Variants in LAMB4 observed in about 807,000 individuals in gnomAD.
The protein encoded by LAMB4 is laminin subunit beta 4, also known as laminin subunit beta-4.
LAMB4 carries 196 observed loss-of-function variants against 199.2 expected under a neutral mutation model. The observed-to-expected ratio is 0.98, with a 90% CI of 0.88 to 1.11. The LOEUF (loss-of-function observed/expected upper bound fraction) is 1.11. Among genes scored for constraint, LAMB4 ranks in the 50% least tolerant of loss-of-function variants. The pLI is 0.00. For missense variants in LAMB4, 2,080 were observed against 2,171.2 expected (o/e 0.96, Z 0.83); for synonymous variants, 744 against 770.6 (o/e 0.97, Z 0.57).
At chr7:108,054,758 C>T (rs2035927118) in intron 25 of LAMB4, among the ~76,000 whole-genome samples, 2 of 152,152 alleles carry the variant, frequency 1.3e-5, no homozygotes, top group Admixed American at 1.3e-4. Flanking sequence ...TCCAAGGAAA[C>T]TTTATTTACA....
intron 17 of LAMB4, among the ~76,000 whole-genome samples, chr7:108,073,433 C>T (rs2036599515): frequency 6.6e-6 from 1 of 152,162 alleles, no homozygotes; most frequent in South Asian, 2.1e-4. Context: ...TCTAGAATGC[C>T]TAATATATTT....
intron 12 of LAMB4, 143 bp from the exon 13 acceptor site, chr7:108,092,559 T>A: frequency 1.5e-6 from 1 of 669,620 alleles, no homozygotes; most frequent in Non-Finnish European, 2.7e-6. Context: ...TCCTGGCCTA[T>A]GCGCTTGGCT....
At chr7:108,019,891 C>T (rs1156904777), downstream of LAMB4, among the ~76,000 whole-genome samples, 1 of 152,164 alleles carries the variant, frequency 6.6e-6, no homozygotes, top group Non-Finnish European at 1.5e-5. Context: ...AGCTGTCCTT[C>T]ATCTGTGATT....
chr7:108,100,694 T>G (rs2037784933), intron 10 of LAMB4, among the ~76,000 whole-genome samples: 1 of 152,230 alleles, frequency 6.6e-6, no homozygotes, highest in Admixed American at 6.5e-5. Flanking sequence ...GATTCCTAGA[T>G]TATCTGTTTC....
chr7:108,126,473 T>G (rs1262620317), intron 1 of LAMB4, among the ~76,000 whole-genome samples: 1 of 152,108 alleles, frequency 6.6e-6, no homozygotes, highest in East Asian at 1.9e-4. Flanking sequence ...ACAATATTTG[T>G]CTTTTTTGTG....
intron 33 of LAMB4, among the ~76,000 whole-genome samples, chr7:108,027,689 A>G (rs1405543649): frequency 6.6e-6 from 1 of 152,214 alleles, no homozygotes; most frequent in African/African-American, 2.4e-5. Context: ...CTTGATGGTT[A>G]GAGATAGTTA....
intron 1 of LAMB4, among the ~76,000 whole-genome samples, chr7:108,125,554 G>A (rs936659505): frequency 3.3e-5 from 5 of 152,130 alleles, no homozygotes; most frequent in East Asian, 1.9e-4. Context: ...GAGTTGCTGG[G>A]GTAAAGTGCT....
intron 23 of LAMB4, among the ~76,000 whole-genome samples, chr7:108,061,948 G>A (rs1017862383): frequency 2.6e-5 from 4 of 151,934 alleles, no homozygotes; most frequent in South Asian, 2.1e-4. Context: ...TCTTAAATTC[G>A]CATTTTCATT....
intron 28 of LAMB4, among the ~76,000 whole-genome samples, chr7:108,045,935 G>C (rs1460719821): frequency 6.6e-6 from 1 of 152,132 alleles, no homozygotes; most frequent in Non-Finnish European, 1.5e-5. Flanking sequence ...GTGTGTGTGT[G>C]TGCATGTGTG....
intron 1 of LAMB4, among the ~76,000 whole-genome samples, chr7:108,128,804 C>T (rs2038883142): frequency 6.6e-6 from 1 of 152,178 alleles, no homozygotes; most frequent in East Asian, 1.9e-4. Flanking sequence ...TGGAAAGCCT[C>T]TCAGGGGCTA....
chr7:108,056,998 T>C (rs1345776857), intron 24 of LAMB4, among the ~76,000 whole-genome samples: 3 of 150,846 alleles, frequency 2.0e-5, no homozygotes, highest in African/African-American at 7.3e-5. Context: ...AAAGCATTTG[T>C]CAGTTTATGT....
intron 3 of LAMB4, among the ~76,000 whole-genome samples, chr7:108,112,316 ATTTT>A (rs148022175): frequency 6.8e-6 from 1 of 146,728 alleles, no homozygotes; most frequent in Non-Finnish European, 1.5e-5. Flanking sequence ...TTTGCTTAGG[ATTTT>A]TTTTTTTTTT....
Position 108,113,953 on chromosome 7 carries a change from C to G in LAMB4, c.193-2007G>C, listed in dbSNP as rs2038322344. Among the ~76,000 whole-genome samples, 5 of 152,186 alleles carry G rather than the reference C, an allele frequency of 3.3e-5. No individual in the cohort carries two copies. In the South Asian group the frequency reaches 1.0e-3, roughly 31 times the overall value. ...TGAAATATTTTGAGGTTTTTTCCAGCTCTAAGCTTTCTAAGATTTCTGTCA... is the reference window on the plus strand; with the variant it reads ...TGAAATATTTTGAGGTTTTTTCCAGGTCTAAGCTTTCTAAGATTTCTGTCA... On this transcript the variant is annotated intron_variant, in intron 3 of 33. Coordinates refer to ENST00000388781, the MANE Select transcript of LAMB4 (RefSeq NM_007356.3).
intron 17 of LAMB4, among the ~76,000 whole-genome samples, chr7:108,071,185 C>A (rs2036521634): frequency 6.6e-6 from 1 of 152,122 alleles, no homozygotes; most frequent in African/African-American, 2.4e-5. Context: ...TTGCCACTGC[C>A]CCTGTCTCTG....
rs754123560 is a variant in LAMB4 at position 108,095,306 on chromosome 7, T to C, written c.1392A>G (p.Pro464=). 6 of 1,614,008 alleles carry C rather than the reference T, an allele frequency of 3.7e-6. No individual in the cohort carries two copies. Among genetic ancestry groups the C allele is most frequent in the Non-Finnish European group, 5.1e-6 (6 of 1,179,976 alleles). The change falls in exon 12 of 34, where the codon CCA becomes CCG. Residue 464 remains proline (P), a synonymous_variant. Transcript: ENST00000388781. ...CTGTATCCACATCACAGGTCAAGAATGGCAGACTCCCAAGGGGGTTACAGT... is the reference window on the plus strand; with the variant it reads ...CTGTATCCACATCACAGGTCAAGAACGGCAGACTCCCAAGGGGGTTACAGT... ...PCDCNPLGSL[P]FLTCDVDTGQ...
chr7:108,028,348 T>C (rs1432803179), intron 33 of LAMB4, among the ~76,000 whole-genome samples: 1 of 152,150 alleles, frequency 6.6e-6, no homozygotes, highest in African/African-American at 2.4e-5. Context: ...TTGTGCATTG[T>C]GGGATTTTTA....
rs1262517041 is a variant in LAMB4 at position 108,116,010 on chromosome 7, G to A, written c.186C>T (p.Tyr62=). ...SRAQKYCILS[Y]LEGEQKCFIC... ...AAACAAAGAGCCAACCCACCTCCAG[G>A]TAACTGAGGATGCAGTATTTCTGGG... The change falls in exon 3 of 34, where the codon TAC becomes TAT. Residue 62 remains tyrosine (Y), a synonymous_variant. Coordinates refer to ENST00000388781, the MANE Select transcript of LAMB4 (RefSeq NM_007356.3). 1 of 1,611,228 alleles carries A rather than the reference G, an allele frequency of 6.2e-7. No homozygotes were observed. Among genetic ancestry groups the A allele is most frequent in the Non-Finnish European group, 8.5e-7 (1 of 1,178,230 alleles).
At chr7:108,031,186 G>A (rs748759200) in intron 31 of LAMB4, among the ~76,000 whole-genome samples, 20 of 151,500 alleles carry the variant, frequency 1.3e-4, no homozygotes, top group Non-Finnish European at 2.8e-4. Context: ...TTAGCCTAGC[G>A]TGGGGTGCAT....
In LAMB4 at chr7:108,029,124, T is replaced by A; in HGVS notation, c.5065A>T (p.Thr1689Ser). 1 of 1,614,154 alleles carries A rather than the reference T, an allele frequency of 6.2e-7. No homozygotes were observed. Among genetic ancestry groups the A allele is most frequent in the African/African-American group, 1.3e-5 (1 of 75,076 alleles). The change falls in exon 33 of 34, where the codon ACA becomes TCA. Residue 1689 changes from threonine to serine, a missense_variant. Coordinates refer to ENST00000388781, the MANE Select transcript of LAMB4 (RefSeq NM_007356.3). ...KTSTTGLTKE[T>S]LGKVKQLKDA... ...TTTAGCTGTTTAACTTTTCCTAATG[T>A]CTCCTTTGTTAGTCCTGTAGTGCTT...
Sources: allele counts gnomAD v4.1 joint callset (sites outside exome capture counted in the v4.1 genomes callset), GRCh38; gene constraint gnomAD v4.1.1; transcripts MANE v1.5; gene names NCBI Gene and HGNC (gene_info 2026-07-23, HGNC 2026-07-21).